PRKCA: variants seen among roughly 807,000 people sequenced by gnomAD.
PRKCA encodes the protein protein kinase C alpha, also known as protein kinase C alpha type.
A neutral mutation model predicts 87.0 loss-of-function variants in PRKCA; 27 were observed. The ratio of observed to expected loss-of-function variants is 0.31; its 90% CI spans 0.23 to 0.43. The LOEUF is 0.43. Ranked by LOEUF, PRKCA falls within the 20% of genes least tolerant of loss-of-function variation. The pLI, the probability that PRKCA is intolerant of heterozygous loss-of-function variation, is 1.00. For missense variants in PRKCA, 518 were observed against 852.3 expected, an observed-to-expected ratio of 0.61 and a Z score of 4.88; for synonymous variants, 329 against 311.1, an observed-to-expected ratio of 1.06 and a Z score of -0.61.
intron 3 of PRKCA, among the ~76,000 whole-genome samples, chr17:66,505,704 G>C (rs1916944722): frequency 6.6e-6 from 1 of 152,176 alleles, no homozygotes; most frequent in South Asian, 2.1e-4. Context: ...AAAAAGAGGT[G>C]AGATGATCAA....
chr17:66,425,243 G>A (rs927226438), intron 2 of PRKCA, among the ~76,000 whole-genome samples: 1 of 151,946 alleles, frequency 6.6e-6, no homozygotes, highest in Admixed American at 6.6e-5. Flanking sequence ...CAGACAGGCC[G>A]CATCCCTGCG....
At chr17:66,767,866 T>C (rs1974845117) in intron 13 of PRKCA, among the ~76,000 whole-genome samples, 4 of 152,212 alleles carry the variant, frequency 2.6e-5, no homozygotes, top group Admixed American at 1.3e-4. Context: ...GTTTGGGGAA[T>C]ACTATCTGAT....
intron 10 of PRKCA, among the ~76,000 whole-genome samples, chr17:66,735,920 C>CTTTTTTTTTT (rs5821508): frequency 4.9e-5 from 6 of 122,102 alleles, no homozygotes; most frequent in Non-Finnish European, 8.2e-5. Flanking sequence ...TTCTTTCTTT[C>CTTTTTTTTTT]TTTTTTTTTT....
At chr17:66,641,753 A>C (rs1487166332) in intron 4 of PRKCA, among the ~76,000 whole-genome samples, 1 of 149,394 alleles carries the variant, frequency 6.7e-6, no homozygotes, top group African/African-American at 2.5e-5. Context: ...GTCTTCAATC[A>C]CTGTAAAATA....
intron 13 of PRKCA, among the ~76,000 whole-genome samples, chr17:66,769,033 AT>A (rs1825832144): frequency 3.9e-5 from 6 of 152,192 alleles, no homozygotes; most frequent in Admixed American, 3.9e-4. Flanking sequence ...TTAGTTTGAA[AT>A]GAGAATCCAG....
intron 2 of PRKCA, among the ~76,000 whole-genome samples, chr17:66,327,443 C>T (rs995350358): frequency 4.6e-5 from 7 of 151,052 alleles, no homozygotes; most frequent in Admixed American, 3.3e-4. Flanking sequence ...GACTGAGGCA[C>T]GAGAATCACT....
chr17:66,417,278 C>G (rs4502257), intron 2 of PRKCA, among the ~76,000 whole-genome samples: 1 of 151,650 alleles, frequency 6.6e-6, no homozygotes, highest in Non-Finnish European at 1.5e-5. Flanking sequence ...TGCAGTTTAC[C>G]GTATTGTTCA....
chr17:66,358,050 A>G (rs1908165365), intron 2 of PRKCA, among the ~76,000 whole-genome samples: 1 of 152,172 alleles, frequency 6.6e-6, no homozygotes. Context: ...TGGAGTTAAC[A>G]TTTTATAACT....
chr17:66,582,796 C>T (rs183726364), intron 3 of PRKCA, among the ~76,000 whole-genome samples: 14 of 152,280 alleles, frequency 9.2e-5, no homozygotes, highest in Admixed American at 1.3e-4. Context: ...CCTCTACCAA[C>T]TCTACCTTGC....
chr17:66,309,258 G>T (rs1455410127), intron 2 of PRKCA, among the ~76,000 whole-genome samples: 1 of 152,154 alleles, frequency 6.6e-6, no homozygotes, highest in East Asian at 1.9e-4. Context: ...GAAGACTAAA[G>T]AAATAAGTGA....
intron 8 of PRKCA, among the ~76,000 whole-genome samples, chr17:66,728,969 TCA>T (rs1973821068): frequency 6.6e-6 from 1 of 152,262 alleles, no homozygotes; most frequent in Non-Finnish European, 1.5e-5. Flanking sequence ...TTGGGTGTTT[TCA>T]GATGTTATTG....
intron 3 of PRKCA, among the ~76,000 whole-genome samples, chr17:66,578,282 G>A (rs909917310): frequency 1.3e-5 from 2 of 152,136 alleles, no homozygotes; most frequent in Non-Finnish European, 2.9e-5. Flanking sequence ...CCAGCAAGTC[G>A]GTCCAGGCTT....
intron 16 of PRKCA, among the ~76,000 whole-genome samples, chr17:66,802,266 C>T (rs902489764): frequency 2.0e-5 from 3 of 152,078 alleles, no homozygotes; most frequent in African/African-American, 7.2e-5. Context: ...AGCTGTTTGT[C>T]ATAAAGACCT....
chr17:66,475,930 T>C (rs377437850), intron 2 of PRKCA, among the ~76,000 whole-genome samples: 9 of 152,186 alleles, frequency 5.9e-5, no homozygotes, highest in African/African-American at 2.2e-4. Context: ...GGAGTCTTGC[T>C]CTGTCGCCCA....
At chr17:66,652,817 G>A (rs977621023) in intron 5 of PRKCA, among the ~76,000 whole-genome samples, 2 of 152,220 alleles carry the variant, frequency 1.3e-5, no homozygotes, top group Non-Finnish European at 2.9e-5. Flanking sequence ...CGCCTCAGCA[G>A]TTAAGCTTCC....
At chr17:66,444,348 C>T (rs1422157322) in intron 2 of PRKCA, among the ~76,000 whole-genome samples, 5 of 152,166 alleles carry the variant, frequency 3.3e-5, no homozygotes, top group Admixed American at 6.5e-5. Flanking sequence ...CATAGTTCAA[C>T]GTTCTGGAAT....
At chr17:66,682,912 G>A (rs1156591727) in intron 5 of PRKCA, among the ~76,000 whole-genome samples, 2 of 152,206 alleles carry the variant, frequency 1.3e-5, no homozygotes, top group South Asian at 2.1e-4. Flanking sequence ...CTTCCCAAAT[G>A]TGGGATGGGA....
chr17:66,602,541 C>T (rs1970076997), intron 3 of PRKCA, among the ~76,000 whole-genome samples: 1 of 152,214 alleles, frequency 6.6e-6, no homozygotes, highest in Admixed American at 6.5e-5. Flanking sequence ...GCGTCGCTCA[C>T]GCTGGGAGCT....
chr17:66,496,605 T>C (rs1345096995), intron 3 of PRKCA, among the ~76,000 whole-genome samples: 1 of 152,166 alleles, frequency 6.6e-6, no homozygotes, highest in East Asian at 1.9e-4. Flanking sequence ...TGAACATTTA[T>C]CACCCTTCAG....
Sources: allele counts gnomAD v4.1 joint callset (sites outside exome capture counted in the v4.1 genomes callset), GRCh38; gene constraint gnomAD v4.1.1; transcripts MANE v1.5; gene names NCBI Gene and HGNC (gene_info 2026-07-23, HGNC 2026-07-21).